Variants in CPLX2 observed in about 807,000 individuals in gnomAD.
CPLX2 encodes the protein complexin 2.
A neutral mutation model predicts 16.3 loss-of-function variants in CPLX2; 5 were observed. The observed-to-expected ratio is 0.31, with a 90% CI of 0.16 to 0.64. The LOEUF is 0.64. CPLX2 is among the 30% of genes least tolerant of loss of function. The pLI is 0.79. For synonymous variants in CPLX2, 89 were observed against 73.2 expected, an observed-to-expected ratio of 1.22 and a Z score of -1.10; for missense variants, 144 against 181.4, an observed-to-expected ratio of 0.79 and a Z score of 1.18.
Position 175,824,168 on chromosome 5 carries a change from G to T in CPLX2, c.-89+15100G>T, listed in dbSNP as rs546185921. Among the ~76,000 whole-genome samples the T allele has an allele frequency of 5.9e-5, 9 of 152,244 alleles. No individual in the cohort carries two copies. The South Asian group carries it at 1.0e-3, about 18-fold the overall frequency. On this transcript the variant is annotated intron_variant, in intron 2 of 4. Transcript: ENST00000359546. The stretch of plus-strand genomic sequence containing the variant: ...TTTTTTTCTTTCCCTCTTGACTTCA[G>T]TGGATTTGACTTTTTAAAGATTCTG...
intron 2 of CPLX2, among the ~76,000 whole-genome samples, chr5:175,865,642 T>C (rs1759460076): frequency 6.6e-6 from 1 of 152,240 alleles, no homozygotes; most frequent in Non-Finnish European, 1.5e-5. Flanking sequence ...GAAGCTTCCA[T>C]GAATCCTAAA....
intron 1 of CPLX2, among the ~76,000 whole-genome samples, chr5:175,798,162 C>T (rs912380995): frequency 5.3e-5 from 8 of 152,286 alleles, no homozygotes; most frequent in Middle Eastern, 3.4e-3. Flanking sequence ...TACTTACTAG[C>T]ATATGACCTT....
At chr5:175,803,320 T>G (rs1172227601) in intron 1 of CPLX2, among the ~76,000 whole-genome samples, 1 of 152,196 alleles carries the variant, frequency 6.6e-6, no homozygotes, top group Non-Finnish European at 1.5e-5. Flanking sequence ...CATGCCTCTA[T>G]GGAGCTCACT....
At chr5:175,829,517 C>A (rs1201969334) in intron 2 of CPLX2, among the ~76,000 whole-genome samples, 3 of 152,196 alleles carry the variant, frequency 2.0e-5, no homozygotes, top group Non-Finnish European at 4.4e-5. Context: ...GCTCCACCTT[C>A]CCTCGGACTT....
chr5:175,876,443 G>A (rs1042442179), intron 1 of CPLX2, among the ~76,000 whole-genome samples: 7 of 152,110 alleles, frequency 4.6e-5, no homozygotes, highest in African/African-American at 1.7e-4. Context: ...AAAGGCAAAG[G>A]AAGAGAAGAA....
rs883019 is a variant in CPLX2, at chr5:175,830,210, C to A, written c.-89+21142C>A. Reference sequence around the variant, plus strand: ...GGAGGGCACTGCCGCCACAGAGCTGCCCTGGTTCCCTGCCCCCGGGGGAGC... The same window carrying A: ...GGAGGGCACTGCCGCCACAGAGCTGACCTGGTTCCCTGCCCCCGGGGGAGC... On this transcript the variant is annotated intron_variant, in intron 2 of 4. Transcript: ENST00000359546. This position sits in a 1 kb window ranked among gnomAD's most constrained non-coding sequence, Gnocchi z 4.0. Among the ~76,000 whole-genome samples, 1 of 152,170 alleles carries A rather than the reference C, an allele frequency of 6.6e-6. No individual in the cohort carries two copies. Among genetic ancestry groups the A allele is most frequent in the Non-Finnish European group, 1.5e-5 (1 of 68,038 alleles).
At chr5:175,858,494 C>T (rs1032080076) in intron 2 of CPLX2, among the ~76,000 whole-genome samples, 6 of 152,178 alleles carry the variant, frequency 3.9e-5, no homozygotes, top group East Asian at 1.9e-4. Flanking sequence ...GCATGGGCAG[C>T]GTGAACAGAT....
At chr5:175,827,978 G>A (rs1758650765) in intron 2 of CPLX2, among the ~76,000 whole-genome samples, 1 of 152,074 alleles carries the variant, frequency 6.6e-6, no homozygotes, top group Non-Finnish European at 1.5e-5. Context: ...TATAACTCCT[G>A]GATAATTTAG....
intron 1 of CPLX2, among the ~76,000 whole-genome samples, chr5:175,875,600 T>C (rs2113711333): frequency 6.6e-6 from 1 of 152,284 alleles, no homozygotes; most frequent in South Asian, 2.1e-4. Context: ...AGTGGCAGAT[T>C]CAAGATCTGA....
chr5:175,880,188 C>G lies in CPLX2; in HGVS notation c.*143C>G, dbSNP rs1348306264. 2 of 835,512 alleles carry G rather than the reference C, an allele frequency of 2.4e-6. No individual in the cohort carries two copies. Among genetic ancestry groups the G allele is most frequent in the African/African-American group, 3.4e-5 (2 of 59,330 alleles). The allele number at this position is 835,512 out of a possible 1,614,324, so 51.8% of individuals were successfully genotyped here. On this transcript the variant is annotated 3_prime_UTR_variant, in exon 4 of 4. Transcript: ENST00000393745. ...TCTTCCCTGGCCAGGGGCTTCTCCC[C>G]CTCAGCTCTCCCTCACACCTCCCTT...
At position 175,872,445 on chromosome 5, in the gene CPLX2, T is replaced by G. The variant is rs4345335; in HGVS notation, c.-89+740T>G. ...TTGAAACCGGGCCGGGTCTTGGGGTTGGAGCTATGTGTGTTGGGGGAAGGG... is the reference window on the plus strand; with the variant it reads ...TTGAAACCGGGCCGGGTCTTGGGGTGGGAGCTATGTGTGTTGGGGGAAGGG... On this transcript the variant is annotated intron_variant, in intron 1 of 3. Transcript: ENST00000393745. The surrounding 1 kb of genome is among the most constrained non-coding windows in gnomAD (Gnocchi z 5.0). 0.11 allele frequency among the ~76,000 whole-genome samples: 17,360 copies of G among 152,000 alleles called. 1,958 individuals are homozygous for G. Among genetic ancestry groups the G allele is most frequent in the African/African-American group, 0.29 (11,896 of 41,418 alleles).
Position 175,845,080 on chromosome 5 carries a change from C to T in CPLX2, c.-88-33572C>T, listed in dbSNP as rs1229838885. Among the ~76,000 whole-genome samples, 2 of 152,216 alleles carry T rather than the reference C, an allele frequency of 1.3e-5. No individual in the cohort carries two copies. The highest frequency in any genetic ancestry group is 2.9e-5 in the Non-Finnish European group (2 of 68,042). ...GGCCCAGATGGTGACCCAAGAGAGC[C>T]TTCCGTGCCCATGGAAGCACTTGCC... On this transcript the variant is annotated intron_variant, in intron 2 of 4. Transcript: ENST00000359546. This position sits in a 1 kb window ranked among gnomAD's most constrained non-coding sequence, Gnocchi z 4.0.
intron 3 of CPLX2, 180 bp from the exon 4 acceptor site, chr5:175,879,668 C>A: frequency 1.4e-6 from 1 of 711,632 alleles, no homozygotes; most frequent in South Asian, 1.5e-5. Flanking sequence ...TATGGTCTCT[C>A]CCACTGAGGA....
At chr5:175,804,664 A>G (rs577230138) in intron 1 of CPLX2, among the ~76,000 whole-genome samples, 4 of 152,354 alleles carry the variant, frequency 2.6e-5, no homozygotes, top group African/African-American at 9.6e-5. Flanking sequence ...TCTCAGCTGC[A>G]TCTCAGAGGC....
chr5:175,867,221 C>G (rs1173068246), upstream of CPLX2, among the ~76,000 whole-genome samples: 1 of 152,106 alleles, frequency 6.6e-6, no homozygotes, highest in Admixed American at 6.5e-5. Context: ...ACACATTTTG[C>G]CTGCATACCT....
chr5:175,881,420 T>A lies in CPLX2; in HGVS notation c.*1375T>A, dbSNP rs1277833464. ...TCATATGTGTGTGCTATCCATCTCG[T>A]GTTTAGAGGCTGTATATGTTAGCTT... On this transcript the variant is annotated 3_prime_UTR_variant, in exon 4 of 4. Coordinates refer to ENST00000393745, the MANE Select transcript of CPLX2 (RefSeq NM_001008220.2). The A allele has an allele frequency of 6.5e-6, 1 of 153,472 alleles. No homozygotes were observed. The highest frequency in any genetic ancestry group is 1.5e-5 in the Non-Finnish European group (1 of 68,210). 9.5% of individuals were successfully genotyped at this position (153,472 alleles called of 1,614,324 possible).
chr5:175,801,161 T>A (rs1206669779), intron 1 of CPLX2, among the ~76,000 whole-genome samples: 1 of 140,958 alleles, frequency 7.1e-6, no homozygotes. Context: ...AGAGGAGTGT[T>A]AAAAAAAAAA....
chr5:175,871,458 A>AGTGAGAGAGAGAGAGAGAGG (rs1554122146), upstream of CPLX2: 1 of 79,964 alleles, frequency 1.3e-5, no homozygotes, highest in Non-Finnish European at 2.8e-5. Flanking sequence ...AGAGAGAGAG[A>AGTGAGAGAGAGAGAGAGAGG]GAGAGAGAGA....
intron 3 of CPLX2, 23 bp downstream of exon 3, chr5:175,879,106 T>C (rs1755500017): frequency 1.3e-6 from 2 of 1,549,322 alleles, no homozygotes; most frequent in Non-Finnish European, 1.7e-6. Flanking sequence ...CGCCCGCCCG[T>C]CCTGGGGAGG....
Sources: gnomAD v4.1 joint callset for allele counts (sites outside exome capture counted in the v4.1 genomes callset) on GRCh38, gnomAD v4.1.1 for gene constraint, Gnocchi (gnomAD v3.1) non-coding constraint, MANE v1.5 for transcripts, NCBI Gene and HGNC (gene_info 2026-07-23, HGNC 2026-07-21) for gene names.